ZMYND8: variants seen among roughly 807,000 people sequenced by gnomAD.
The protein encoded by ZMYND8 is zinc finger MYND-type containing 8.
ZMYND8 carries 37 observed loss-of-function variants against 140.8 expected under a neutral mutation model. The observed-to-expected ratio is 0.26, with a 90% CI of 0.20 to 0.35. ZMYND8 has a LOEUF of 0.35. Among genes scored for constraint, ZMYND8 ranks in the 10% least tolerant of loss-of-function variants. The probability of loss-of-function intolerance (pLI) is 1.00; values close to 1 mark genes in which losing one functional copy is unlikely to be tolerated. For synonymous variants in ZMYND8, 592 were observed against 597.1 expected, an observed-to-expected ratio of 0.99 and a Z score of 0.12; for missense variants, 1,068 against 1,570.0, an observed-to-expected ratio of 0.68 and a Z score of 5.40.
intron 13 of ZMYND8, among the ~76,000 whole-genome samples, chr20:47,247,397 G>A (rs561934985): frequency 2.0e-5 from 3 of 152,308 alleles, no homozygotes; most frequent in East Asian, 3.9e-4. Context: ...GCCACTCGGT[G>A]TGCATTGCTC....
chr20:47,278,980 T>C lies in ZMYND8; in HGVS notation c.999-2185A>G, dbSNP rs536444416. Among the ~76,000 whole-genome samples, 24 of 151,112 alleles carry C rather than the reference T, an allele frequency of 1.6e-4. No individual in the cohort carries two copies. In the South Asian group the frequency reaches 4.2e-3, roughly 26 times the overall value. ...AGAAAAAGGAGAGTGAGTCCTTCTC[T>C]GGAGAATCAAGAGGCAGGGCCACCA... On this transcript the variant is annotated intron_variant, in intron 10 of 22. Coordinates refer to ENST00000471951, the MANE Select transcript of ZMYND8 (RefSeq NM_001281775.3).
chr20:47,245,142 A>G (rs1481573738), intron 14 of ZMYND8, among the ~76,000 whole-genome samples: 1 of 152,220 alleles, frequency 6.6e-6, no homozygotes, highest in Non-Finnish European at 1.5e-5. Flanking sequence ...TTCTGGCACC[A>G]ATCACCCAAA....
At chr20:47,310,891 G>A (rs1057082972) in intron 2 of ZMYND8, among the ~76,000 whole-genome samples, 5 of 150,876 alleles carry the variant, frequency 3.3e-5, no homozygotes, top group African/African-American at 7.3e-5. Flanking sequence ...ATGTGCAATC[G>A]CCACTCTTCC....
At chr20:47,270,678 T>C (rs918393163) in intron 11 of ZMYND8, among the ~76,000 whole-genome samples, 17 of 106,204 alleles carry the variant, frequency 1.6e-4, no homozygotes, top group Non-Finnish European at 1.4e-4. Context: ...CTGGGCAACA[T>C]AGTGAGGACC....
In ZMYND8 at chr20:47,242,435, A is replaced by C. The variant is rs139394054; in HGVS notation, c.2285-3297T>G. The stretch of plus-strand genomic sequence containing the variant: ...ATGGGGCACAGTCCCCGCCTCTTCC[A>C]GGTGGAGATGAGGTGTTGAACTGGG... On this transcript the variant is annotated intron_variant, in intron 14 of 22. Coordinates refer to ENST00000471951, the MANE Select transcript of ZMYND8 (RefSeq NM_001281775.3). Among the ~76,000 whole-genome samples, 447 of 152,338 alleles carry C rather than the reference A, an allele frequency of 2.9e-3. 4 individuals are homozygous for C. Among genetic ancestry groups the C allele is most frequent in the African/African-American group, 9.6e-3 (398 of 41,588 alleles).
At chr20:47,228,750 G>C (rs1161420554) in intron 17 of ZMYND8, among the ~76,000 whole-genome samples, 2 of 152,146 alleles carry the variant, frequency 1.3e-5, no homozygotes, top group African/African-American at 2.4e-5. Flanking sequence ...ATGCTGCCAA[G>C]TCCTAAAAGG....
chr20:47,232,181 G>A (rs1489222254), intron 16 of ZMYND8, among the ~76,000 whole-genome samples: 1 of 152,146 alleles, frequency 6.6e-6, no homozygotes, highest in Non-Finnish European at 1.5e-5. Flanking sequence ...AGACCAGCCT[G>A]GCCAATGTGG....
At chr20:47,339,297 A>C (rs559157406) in intron 2 of ZMYND8, among the ~76,000 whole-genome samples, 13 of 151,860 alleles carry the variant, frequency 8.6e-5, no homozygotes, top group Non-Finnish European at 1.8e-4. Context: ...TGCCCCCTCT[A>C]AGCAGGGGGT....
intron 18 of ZMYND8, 52 bp downstream of exon 18, chr20:47,227,148 AAAG>A (rs757425812): frequency 1.3e-5 from 20 of 1,575,472 alleles, no homozygotes; most frequent in Middle Eastern, 3.3e-4. Context: ...CCAGAGGTGC[AAAG>A]AAGTTCACAC....
At chr20:47,339,489 T>G (rs763975967) in intron 2 of ZMYND8, among the ~76,000 whole-genome samples, 15 of 152,072 alleles carry the variant, frequency 9.9e-5, no homozygotes, top group Non-Finnish European at 1.6e-4. Context: ...AGAACCATTC[T>G]TTTTTGAGAC....
At chr20:47,313,809 T>G (rs777584997) in intron 2 of ZMYND8, among the ~76,000 whole-genome samples, 1 of 151,666 alleles carries the variant, frequency 6.6e-6, no homozygotes, top group African/African-American at 2.4e-5. Flanking sequence ...GGCACGTGCC[T>G]ATAGTCCCAG....
intron 3 of ZMYND8, among the ~76,000 whole-genome samples, chr20:47,306,774 G>C (rs1367634776): frequency 1.3e-5 from 2 of 151,954 alleles, no homozygotes; most frequent in East Asian, 3.9e-4. Flanking sequence ...TGGAACAATG[G>C]AACAAAGAAG....
At chr20:47,219,121 G>A (rs547814641) in intron 21 of ZMYND8, among the ~76,000 whole-genome samples, 8 of 144,644 alleles carry the variant, frequency 5.5e-5, no homozygotes, top group Non-Finnish European at 7.5e-5. Flanking sequence ...GCAGTGGCAC[G>A]ATCTCGACTC....
Position 47,246,424 on chromosome 20 carries a change from A to G in ZMYND8, c.1868T>C (p.Ile623Thr), listed in dbSNP as rs766047391. The G allele has an allele frequency of 6.2e-7, 1 of 1,613,834 alleles. No individual in the cohort carries two copies. The highest frequency in any genetic ancestry group is 1.3e-5 in the African/African-American group (1 of 74,916). Reference protein sequence around the residue: ...EKSDSSDSEYISDDEQKSKNE... With the variant: ...EKSDSSDSEYTSDDEQKSKNE... ...CTTAGACTTCTGCTCATCATCACTGATATACTCACTATCGCTACTATCTGA... is the reference window on the plus strand; with the variant it reads ...CTTAGACTTCTGCTCATCATCACTGGTATACTCACTATCGCTACTATCTGA... Residue 623 changes from isoleucine (I) to threonine (T), a missense_variant, in exon 14 of 23, where the codon ATC (isoleucine) becomes ACC (threonine). By Grantham distance (89) the Ile-to-Thr change is moderately conservative. Transcript: ENST00000471951.
In ZMYND8 at chr20:47,249,581, A is replaced by G. The variant is rs2298194; in HGVS notation, c.1622-142T>C. ...ACTTTTTTTGTCATTCATCCCAACA[A>G]TATCATCTGCTCAACCAAATGGGGT... is the stretch of plus-strand genomic sequence containing the variant. On this transcript the variant is annotated intron_variant, in intron 12 of 22. Coordinates refer to ENST00000471951, the MANE Select transcript of ZMYND8 (RefSeq NM_001281775.3). 7.8e-3 allele frequency: 9,169 copies of G among 1,169,664 alleles called. 539 individuals carry two copies. The East Asian group carries it at 0.15, about 19-fold the overall frequency. 72.5% of individuals were successfully genotyped at this position (1,169,664 alleles called of 1,614,324 possible).
chr20:47,219,825 C>T (rs1480650082), intron 21 of ZMYND8, among the ~76,000 whole-genome samples: 1 of 152,218 alleles, frequency 6.6e-6, no homozygotes, highest in Non-Finnish European at 1.5e-5. Context: ...CACTTAAGCA[C>T]TGCCTTCAAT....
At chr20:47,355,033 C>T (rs370089521) in intron 1 of ZMYND8, among the ~76,000 whole-genome samples, 3 of 152,046 alleles carry the variant, frequency 2.0e-5, no homozygotes, top group Non-Finnish European at 4.4e-5. Context: ...CACCACCCCC[C>T]CAACACACAC....
At chr20:47,303,751 C>A (rs1248284309) in intron 3 of ZMYND8, among the ~76,000 whole-genome samples, 2 of 152,122 alleles carry the variant, frequency 1.3e-5, no homozygotes, top group Non-Finnish European at 2.9e-5. Context: ...CCCTAACCAG[C>A]AACTCAAATC....
intron 12 of ZMYND8, among the ~76,000 whole-genome samples, chr20:47,251,625 T>C (rs1429920711): frequency 6.6e-6 from 1 of 152,038 alleles, no homozygotes; most frequent in Non-Finnish European, 1.5e-5. Flanking sequence ...TAGAAAACTC[T>C]TTATACCCGT....
Sources: gnomAD v4.1 joint callset for allele counts (sites outside exome capture counted in the v4.1 genomes callset) on GRCh38, gnomAD v4.1.1 for gene constraint, MANE v1.5 for transcripts, NCBI Gene and HGNC (gene_info 2026-07-23, HGNC 2026-07-21) for gene names.